Variants in PARD3B observed in about 807,000 individuals in gnomAD.
The protein encoded by PARD3B is par-3 family cell polarity regulator beta, also known as partitioning defective 3 homolog B.
Under a neutral mutation model 130.2 loss-of-function variants are expected in PARD3B, and 103 were observed. The ratio of observed to expected loss-of-function variants is 0.79; its 90% CI spans 0.67 to 0.93. The LOEUF (loss-of-function observed/expected upper bound fraction) is 0.93. Among genes scored for constraint, PARD3B ranks in the 40% least tolerant of loss-of-function variants. PARD3B has a pLI of 0.00. For missense variants in PARD3B, 1,609 were observed against 1,499.2 expected, an observed-to-expected ratio of 1.07 and a Z score of -1.21; for synonymous variants, 583 against 553.2, an observed-to-expected ratio of 1.05 and a Z score of -0.76.
At chr2:205,319,029 A>T (rs1325543994) in intron 18 of PARD3B, among the ~76,000 whole-genome samples, 1 of 151,710 alleles carries the variant, frequency 6.6e-6, no homozygotes. Context: ...TTCCTCTCAT[A>T]TCCTCTCACA....
chr2:204,867,743 G>A (rs566677261), intron 2 of PARD3B, among the ~76,000 whole-genome samples: 11 of 151,892 alleles, frequency 7.2e-5, no homozygotes, highest in Admixed American at 5.2e-4. Context: ...TTCTCTTTCC[G>A]GCGATGTATT....
chr2:204,980,669 C>T (rs1045844178), intron 3 of PARD3B, among the ~76,000 whole-genome samples: 1 of 152,130 alleles, frequency 6.6e-6, no homozygotes, highest in Non-Finnish European at 1.5e-5. Context: ...ATCCATACCC[C>T]CAGGCTAATC....
chr2:205,517,051 A>C (rs2050821842), intron 21 of PARD3B, among the ~76,000 whole-genome samples: 1 of 152,116 alleles, frequency 6.6e-6, no homozygotes, highest in South Asian at 2.1e-4. Flanking sequence ...AGTTCTGTTT[A>C]TGTGATGAAT....
At chr2:205,193,679 C>T (rs1220720401) in intron 15 of PARD3B, among the ~76,000 whole-genome samples, 1 of 152,206 alleles carries the variant, frequency 6.6e-6, no homozygotes, top group Admixed American at 6.5e-5. Context: ...CCACTCTGTG[C>T]GGGCATACCT....
At chr2:204,666,449 A>G (rs1471883615) in intron 1 of PARD3B, among the ~76,000 whole-genome samples, 1 of 152,172 alleles carries the variant, frequency 6.6e-6, no homozygotes, top group Admixed American at 6.6e-5. Flanking sequence ...ATATGTCACT[A>G]TAGGAAGGGC....
intron 1 of PARD3B, among the ~76,000 whole-genome samples, chr2:204,567,978 T>C (rs1469729707): frequency 6.6e-6 from 1 of 152,220 alleles, no homozygotes; most frequent in African/African-American, 2.4e-5. Flanking sequence ...TTTAGAATGA[T>C]ATAGTAAATT....
intron 21 of PARD3B, among the ~76,000 whole-genome samples, chr2:205,551,836 G>T (rs1419641680): frequency 3.9e-5 from 6 of 152,136 alleles, no homozygotes; most frequent in Non-Finnish European, 8.8e-5. Flanking sequence ...CCTTGACACT[G>T]TTAGTTCCTT....
intron 21 of PARD3B, among the ~76,000 whole-genome samples, chr2:205,505,185 A>G (rs12052602): frequency 0.04 from 6,022 of 151,882 alleles, 204 homozygotes; most frequent in South Asian, 0.13. Flanking sequence ...GTGGGAATTG[A>G]ACAATGAGAA....
At chr2:204,571,989 A>C (rs1170591429) in intron 1 of PARD3B, among the ~76,000 whole-genome samples, 1 of 152,150 alleles carries the variant, frequency 6.6e-6, no homozygotes, top group Non-Finnish European at 1.5e-5. Context: ...TAACCGTGTA[A>C]CTTTTTTTCT....
At chr2:204,885,196 T>C (rs751978726) in intron 2 of PARD3B, among the ~76,000 whole-genome samples, 3 of 152,208 alleles carry the variant, frequency 2.0e-5, no homozygotes, top group Non-Finnish European at 4.4e-5. Flanking sequence ...TGGTATCTCA[T>C]TGTGGTTTTT....
intron 2 of PARD3B, among the ~76,000 whole-genome samples, chr2:204,748,850 A>C (rs1214394415): frequency 6.6e-6 from 1 of 152,150 alleles, no homozygotes; most frequent in Non-Finnish European, 1.5e-5. Context: ...AGATTATTTT[A>C]ATGTCTTTTT....
In PARD3B at chr2:204,820,071, C is replaced by CTTTTTTTTTTTTTTTTT. The variant is rs557143420; in HGVS notation, c.222+133794_222+133810dup. On this transcript the variant is annotated intron_variant, in intron 2 of 22. Transcript: ENST00000406610. ...GAAGGTGGCTACATTAAACAATAGA[C>CTTTTTTTTTTTTTTTTT]TTTTTTTTTTTTTTTTTTTTTGAGA... Among the ~76,000 whole-genome samples the CTTTTTTTTTTTTTTTTT allele has an allele frequency of 9.1e-5, 9 of 98,428 alleles. 1 individual carries two copies. The highest frequency in any genetic ancestry group is 4.0e-4 in the African/African-American group (9 of 22,420). 64.6% of individuals were successfully genotyped at this position (98,428 alleles called of 152,430 possible).
rs2031278515 is a variant in PARD3B, at chr2:205,125,579, T to A, written c.1306-30T>A. The A allele has an allele frequency of 1.9e-6, 3 of 1,609,676 alleles. No individual in the cohort carries two copies. Among genetic ancestry groups the A allele is most frequent in the Non-Finnish European group, 2.5e-6 (3 of 1,177,346 alleles). ...AGAAGGAGATAACAAGTATTGTGAT[T>A]GTGGCTGTTCATATGCTTTTATTCA... On this transcript the variant is annotated intron_variant, in intron 9 of 22. Transcript: ENST00000406610. The surrounding 1 kb of genome is among the most constrained non-coding windows in gnomAD (Gnocchi z 4.0).
chr2:204,666,359 T>G (rs541724732), intron 1 of PARD3B, among the ~76,000 whole-genome samples: 2 of 152,210 alleles, frequency 1.3e-5, no homozygotes, highest in Admixed American at 1.3e-4. Context: ...TCTCTAATAT[T>G]AAACTAGAGA....
At chr2:205,482,756 G>A (rs549045978) in intron 20 of PARD3B, 1 of 152,228 alleles carries the variant, frequency 6.6e-6, no homozygotes, top group East Asian at 1.9e-4. Flanking sequence ...CATTAGATAA[G>A]AGCTACTTGG....
At chr2:204,919,605 T>C (rs543801349) in intron 2 of PARD3B, among the ~76,000 whole-genome samples, 7 of 152,208 alleles carry the variant, frequency 4.6e-5, no homozygotes, top group Non-Finnish European at 1.0e-4. Context: ...TGATATTCCA[T>C]TGTATGGAAT....
At chr2:204,889,256 G>A (rs1404921171) in intron 2 of PARD3B, among the ~76,000 whole-genome samples, 1 of 152,100 alleles carries the variant, frequency 6.6e-6, no homozygotes, top group Non-Finnish European at 1.5e-5. Context: ...CCTTCTAAAG[G>A]TCTTCTCTGC....
At chr2:205,483,146 T>A (rs956353696) in intron 20 of PARD3B, among the ~76,000 whole-genome samples, 1 of 152,192 alleles carries the variant, frequency 6.6e-6, no homozygotes, top group Non-Finnish European at 1.5e-5. Flanking sequence ...CTTGATGGGA[T>A]TAAGCATATG....
chr2:205,546,307 C>CGTAA (rs1298018200), intron 21 of PARD3B, among the ~76,000 whole-genome samples: 1 of 152,024 alleles, frequency 6.6e-6, no homozygotes, highest in Non-Finnish European at 1.5e-5. Flanking sequence ...CAAATCCAGG[C>CGTAA]GTAAGTTCTA....
Sources: gnomAD v4.1 joint callset for allele counts (sites outside exome capture counted in the v4.1 genomes callset) on GRCh38, gnomAD v4.1.1 for gene constraint, Gnocchi (gnomAD v3.1) non-coding constraint, MANE v1.5 for transcripts, NCBI Gene and HGNC (gene_info 2026-07-23, HGNC 2026-07-21) for gene names.